CDH6: variants seen among roughly 807,000 people sequenced by gnomAD.
CDH6 encodes cadherin 6.
Under a neutral mutation model 78.0 loss-of-function variants are expected in CDH6, and 31 were observed. The observed-to-expected ratio is 0.40, with a 90% confidence interval of 0.30 to 0.54. The LOEUF is 0.54. Among genes scored for constraint, CDH6 ranks in the 20% least tolerant of loss-of-function variants. CDH6 has a pLI of 0.56. For missense variants in CDH6, 724 were observed against 975.9 expected, an observed-to-expected ratio of 0.74 and a Z score of 3.44; for synonymous variants, 376 against 368.8, an observed-to-expected ratio of 1.02 and a Z score of -0.23.
At chr5:31,282,534 C>G (rs2149941175) in intron 2 of CDH6, among the ~76,000 whole-genome samples, 1 of 152,298 alleles carries the variant, frequency 6.6e-6, no homozygotes, top group South Asian at 2.1e-4. Flanking sequence ...CCAAGATAAT[C>G]TCCCCATCTC....
chr5:31,233,930 A>G (rs1277654853), intron 1 of CDH6, among the ~76,000 whole-genome samples: 1 of 152,240 alleles, frequency 6.6e-6, no homozygotes, highest in Non-Finnish European at 1.5e-5. Flanking sequence ...AAATTCCATG[A>G]GGCAGGACAT....
At chr5:31,253,603 A>T (rs1741973269) in intron 1 of CDH6, among the ~76,000 whole-genome samples, 1 of 152,192 alleles carries the variant, frequency 6.6e-6, no homozygotes, top group South Asian at 2.1e-4. Context: ...TGCCCTCATG[A>T]TCTAATCACC....
chr5:31,272,323 TAAAGA>T (rs1271666850), intron 2 of CDH6, among the ~76,000 whole-genome samples: 3 of 152,230 alleles, frequency 2.0e-5, no homozygotes, highest in Admixed American at 2.0e-4. Context: ...TGTCAGGGGC[TAAAGA>T]AAAGAGTATT....
intron 1 of CDH6, among the ~76,000 whole-genome samples, chr5:31,225,281 C>G (rs1741120000): frequency 6.6e-6 from 1 of 152,198 alleles, no homozygotes; most frequent in African/African-American, 2.4e-5. Flanking sequence ...TGCATCAACG[C>G]AGAGGGCTGA....
At chr5:31,230,268 A>G (rs1179413006) in intron 1 of CDH6, among the ~76,000 whole-genome samples, 1 of 152,196 alleles carries the variant, frequency 6.6e-6, no homozygotes, top group Non-Finnish European at 1.5e-5. Flanking sequence ...GAGAAAAGTC[A>G]TCTCTGTCCT....
intron 1 of CDH6, among the ~76,000 whole-genome samples, chr5:31,194,483 TAGA>T (rs1443094779): frequency 2.0e-5 from 3 of 152,134 alleles, no homozygotes; most frequent in Non-Finnish European, 4.4e-5. Context: ...ATTTGGCTGG[TAGA>T]AGGAGCTAAA....
chr5:31,291,789 A>C (rs899186349), intron 2 of CDH6, among the ~76,000 whole-genome samples: 1 of 152,180 alleles, frequency 6.6e-6, no homozygotes. Flanking sequence ...TGATGGTTTC[A>C]GCGTTTCCTT....
chr5:31,274,449 C>G (rs896430151), intron 2 of CDH6, among the ~76,000 whole-genome samples: 1 of 152,194 alleles, frequency 6.6e-6, no homozygotes, highest in Non-Finnish European at 1.5e-5. Flanking sequence ...AGGAACCGAT[C>G]CCAGATCCTC....
intron 2 of CDH6, among the ~76,000 whole-genome samples, chr5:31,274,740 A>T (rs533800808): frequency 6.6e-6 from 1 of 152,356 alleles, no homozygotes; most frequent in African/African-American, 2.4e-5. Flanking sequence ...GAATCACTTG[A>T]ACCTGGGAGG....
chr5:31,254,488 T>G (rs1404967282), intron 1 of CDH6, among the ~76,000 whole-genome samples: 1 of 152,192 alleles, frequency 6.6e-6, no homozygotes, highest in Non-Finnish European at 1.5e-5. Context: ...CCATAGTACA[T>G]GATAAGTGCT....
At chr5:31,216,389 TAAAAAG>T (rs1740864220) in intron 1 of CDH6, among the ~76,000 whole-genome samples, 1 of 152,110 alleles carries the variant, frequency 6.6e-6, no homozygotes, top group African/African-American at 2.4e-5. Flanking sequence ...TTTAAATAGT[TAAAAAG>T]AATCAACAGA....
intron 1 of CDH6, among the ~76,000 whole-genome samples, chr5:31,196,898 A>G (rs1311789160): frequency 6.6e-6 from 1 of 152,182 alleles, no homozygotes; most frequent in East Asian, 1.9e-4. Flanking sequence ...AATTTACTCA[A>G]TAACAATAAT....
intron 1 of CDH6, among the ~76,000 whole-genome samples, chr5:31,236,907 G>A (rs1324560747): frequency 6.6e-6 from 1 of 152,098 alleles, no homozygotes; most frequent in East Asian, 1.9e-4. Flanking sequence ...CAGATGCTTG[G>A]GGAGTGCTGT....
At chr5:31,233,163 T>C (rs1396068572) in intron 1 of CDH6, among the ~76,000 whole-genome samples, 1 of 151,708 alleles carries the variant, frequency 6.6e-6, no homozygotes, top group East Asian at 1.9e-4. Flanking sequence ...TCCACACACA[T>C]ATACACACAA....
In CDH6 at chr5:31,209,971, A is replaced by C. The variant is rs367826231; in HGVS notation, c.-129+16085A>C. ...TAATGTCCTTCAGCTCATTGTGCCA[A>C]CTTAGGTCATATGACCACTCAATAC... On this transcript the variant is annotated intron_variant, in intron 1 of 11. Transcript: ENST00000265071. Among the ~76,000 whole-genome samples the C allele has an allele frequency of 8.0e-4, 122 of 152,278 alleles. 1 individual carries two copies. The South Asian group carries it at 0.024, about 31-fold the overall frequency.
chr5:31,269,538 TAAAG>T (rs1742462240), intron 2 of CDH6, among the ~76,000 whole-genome samples: 1 of 152,164 alleles, frequency 6.6e-6, no homozygotes, highest in Non-Finnish European at 1.5e-5. Flanking sequence ...GGAGTTGCAG[TAAAG>T]TGATAAAGGC....
At chr5:31,276,069 C>G (rs983619221) in intron 2 of CDH6, among the ~76,000 whole-genome samples, 1 of 152,220 alleles carries the variant, frequency 6.6e-6, no homozygotes, top group Non-Finnish European at 1.5e-5. Context: ...CGCAAACTCC[C>G]ATCTTCCTAC....
intron 9 of CDH6, among the ~76,000 whole-genome samples, chr5:31,316,707 TGTAA>T (rs1738335581): frequency 6.6e-6 from 1 of 152,236 alleles, no homozygotes; most frequent in Admixed American, 6.5e-5. Context: ...TGACCATCTG[TGTAA>T]GTAATACAAA....
intron 1 of CDH6, among the ~76,000 whole-genome samples, chr5:31,240,774 A>G (rs1364063254): frequency 6.6e-6 from 1 of 152,202 alleles, no homozygotes; most frequent in Non-Finnish European, 1.5e-5. Context: ...TGGGCGTGTC[A>G]TGATAGTGTC....
Sources: gnomAD v4.1 joint callset for allele counts (sites outside exome capture counted in the v4.1 genomes callset) on GRCh38, gnomAD v4.1.1 for gene constraint, MANE v1.5 for transcripts, NCBI Gene and HGNC (gene_info 2026-07-23, HGNC 2026-07-21) for gene names.